AK7: variants seen among roughly 807,000 people sequenced by gnomAD.
The protein encoded by AK7 is ATP-AMP transphosphorylase 7.
Under a neutral mutation model 96.6 loss-of-function variants are expected in AK7, and 78 were observed. The ratio of observed to expected loss-of-function variants is 0.81; its 90% CI spans 0.67 to 0.97. AK7 has a LOEUF of 0.97. Ranked by LOEUF, AK7 falls within the 50% of genes least tolerant of loss-of-function variation. AK7 has a pLI of 0.00. For synonymous variants in AK7, 302 were observed against 317.2 expected (o/e 0.95, Z 0.51); for missense variants, 855 against 887.9 (o/e 0.96, Z 0.47).
intron 12 of AK7, among the ~76,000 whole-genome samples, chr14:96,467,330 G>GA (rs1338644236): frequency 7.9e-6 from 1 of 125,870 alleles, no homozygotes; most frequent in African/African-American, 2.8e-5. Flanking sequence ...TTTTGCTGCT[G>GA]CTTTTTTTTT....
intron 1 of AK7, among the ~76,000 whole-genome samples, chr14:96,394,179 TCAGAGGGCA>T (rs1369683779): frequency 5.9e-5 from 9 of 151,992 alleles, no homozygotes; most frequent in Non-Finnish European, 1.2e-4. Context: ...AAAATAGTTC[TCAGAGGGCA>T]CAGCAAAAGC....
intron 6 of AK7, among the ~76,000 whole-genome samples, chr14:96,439,903 C>T (rs966316062): frequency 6.6e-5 from 10 of 151,950 alleles, no homozygotes; most frequent in African/African-American, 1.5e-4. Context: ...AGAAAGAAGG[C>T]GGAGTTAAAG....
chr14:96,468,965 T>G (rs1377019136), intron 12 of AK7, among the ~76,000 whole-genome samples: 2 of 152,156 alleles, frequency 1.3e-5, no homozygotes, highest in South Asian at 2.1e-4. Flanking sequence ...TGAGATTATC[T>G]CTAAGAGATC....
chr14:96,469,609 A>G (rs1894773937), intron 12 of AK7, among the ~76,000 whole-genome samples: 1 of 152,174 alleles, frequency 6.6e-6, no homozygotes, highest in African/African-American at 2.4e-5. Flanking sequence ...ATTTGGCTTC[A>G]TTTCTTGGCA....
intron 10 of AK7, among the ~76,000 whole-genome samples, chr14:96,451,821 G>C (rs1386850995): frequency 6.6e-6 from 1 of 151,980 alleles, no homozygotes; most frequent in African/African-American, 2.4e-5. Flanking sequence ...TTAATAATTA[G>C]ATAATATCTA....
intron 5 of AK7, among the ~76,000 whole-genome samples, chr14:96,429,461 G>A (rs769185199): frequency 2.6e-4 from 40 of 152,114 alleles, no homozygotes; most frequent in Non-Finnish European, 5.1e-4. Context: ...TTTTGGTTCC[G>A]TATGAACTTT....
chr14:96,461,226 A>G lies in AK7; in HGVS notation c.1357+3014A>G, dbSNP rs115630196. On this transcript the variant is annotated intron_variant, in intron 12 of 17. Transcript: ENST00000267584. ...TGCTATATTCCCAGCACTTTGAGAG[A>G]TCAAGGTGGGAAGATTGCTTGAGGT... is the stretch of plus-strand genomic sequence containing the variant. Among the ~76,000 whole-genome samples the G allele has an allele frequency of 5.7e-3, 873 of 152,262 alleles. 19 individuals carry two copies. The highest frequency in any genetic ancestry group is 0.02 in the African/African-American group (815 of 41,554).
chr14:96,435,729 G>C (rs563503770), intron 5 of AK7, among the ~76,000 whole-genome samples: 3 of 152,162 alleles, frequency 2.0e-5, no homozygotes. Flanking sequence ...ATACCGGAGA[G>C]CCCCCTCTGA....
In AK7 at chr14:96,478,618, T is replaced by C. The variant is rs756925348; in HGVS notation, c.1709T>C (p.Val570Ala). 1.1e-5 allele frequency: 18 copies of C among 1,614,060 alleles called. No homozygotes were observed. Among genetic ancestry groups the C allele is most frequent in the Non-Finnish European group, 1.4e-5 (17 of 1,180,034 alleles). ...YRDINIDDET[V>A]FNYFDELEIH... is the part of the protein sequence containing the mutation. ...GACATCAATATCGACGATGAGACTG[T>C]CTTCAACTATTTTGATGAACTTGAA... Residue 570 changes from valine (V) to alanine (A), a missense_variant, in exon 15 of 18, where the codon GTC (valine) becomes GCC (alanine). Transcript: ENST00000267584.
In AK7 at chr14:96,458,070, C is replaced by T. The variant is rs753576680; in HGVS notation, c.1228-13C>T. 3.7e-6 allele frequency: 6 copies of T among 1,611,354 alleles called. No individual in the cohort carries two copies. In the African/African-American group the frequency reaches 8.0e-5, roughly 22 times the overall value. ...GGGGCATCATCCAATGTGAATATCCCTGTGGTATGCAGGAGGCGATTGTTG... is the reference window on the plus strand; with the variant it reads ...GGGGCATCATCCAATGTGAATATCCTTGTGGTATGCAGGAGGCGATTGTTG... On this transcript the variant is annotated splice_polypyrimidine_tract_variant and intron_variant, in intron 11 of 17. Coordinates refer to ENST00000267584, the MANE Select transcript of AK7 (RefSeq NM_152327.5).
At chr14:96,462,491 C>G (rs1239804181) in intron 12 of AK7, among the ~76,000 whole-genome samples, 1 of 152,152 alleles carries the variant, frequency 6.6e-6, no homozygotes, top group Non-Finnish European at 1.5e-5. Context: ...TTCCCAGTCC[C>G]ACAGTGAGGC....
intron 4 of AK7, among the ~76,000 whole-genome samples, chr14:96,412,208 T>G (rs1383470671): frequency 6.9e-6 from 1 of 144,600 alleles, no homozygotes; most frequent in Non-Finnish European, 1.5e-5. Context: ...TCCTGGTACT[T>G]TCTTCCTTTC....
At chr14:96,454,781 A>G (rs1181518470) in intron 10 of AK7, among the ~76,000 whole-genome samples, 3 of 151,648 alleles carry the variant, frequency 2.0e-5, no homozygotes, top group Non-Finnish European at 2.9e-5. Flanking sequence ...CCTGGGCTCC[A>G]GGGATCCTCC....
chr14:96,396,561 C>T (rs926274478), intron 1 of AK7, among the ~76,000 whole-genome samples: 1 of 152,156 alleles, frequency 6.6e-6, no homozygotes. Flanking sequence ...ATCTTGCATG[C>T]TAACCTGGAC....
rs140531734 is a variant in AK7 at position 96,474,146 on chromosome 14, A to T, written c.1555+1391A>T. Among the ~76,000 whole-genome samples the T allele has an allele frequency of 7.0e-4, 107 of 152,286 alleles. 1 individual carries two copies. Among genetic ancestry groups the T allele is most frequent in the African/African-American group, 2.2e-3 (92 of 41,558 alleles). Reference sequence around the variant, plus strand: ...GAAAAGCTATTTTCAGCAACTTAGGACAAGGCTGTAACTGAAAAGGGCCTG... The same window carrying T: ...GAAAAGCTATTTTCAGCAACTTAGGTCAAGGCTGTAACTGAAAAGGGCCTG... On this transcript the variant is annotated intron_variant, in intron 14 of 17. Coordinates refer to ENST00000267584, the MANE Select transcript of AK7 (RefSeq NM_152327.5).
intron 5 of AK7, among the ~76,000 whole-genome samples, chr14:96,430,310 C>T (rs960589592): frequency 1.3e-5 from 2 of 151,460 alleles, no homozygotes; most frequent in African/African-American, 2.4e-5. Flanking sequence ...CTCAGCCTCC[C>T]GAGTAGCTGG....
At chr14:96,465,267 C>G (rs924990629) in intron 12 of AK7, among the ~76,000 whole-genome samples, 5 of 152,042 alleles carry the variant, frequency 3.3e-5, no homozygotes, top group African/African-American at 1.2e-4. Context: ...CAAGACCATC[C>G]TAGCTAACAT....
chr14:96,451,697 A>C, intron 10 of AK7, 127 bp downstream of exon 10: 4 of 983,222 alleles, frequency 4.1e-6, no homozygotes, highest in Non-Finnish European at 5.4e-6. Context: ...AGTTTTTCAA[A>C]TTTGACAAAT....
chr14:96,485,191 A>C (rs1895704275), intron 16 of AK7, among the ~76,000 whole-genome samples: 1 of 152,084 alleles, frequency 6.6e-6, no homozygotes, highest in African/African-American at 2.4e-5. Flanking sequence ...AACTGTTCTC[A>C]TTGTTTTAAT....
Sources: gnomAD v4.1 joint callset for allele counts (sites outside exome capture counted in the v4.1 genomes callset) on GRCh38, gnomAD v4.1.1 for gene constraint, MANE v1.5 for transcripts, NCBI Gene and HGNC (gene_info 2026-07-23, HGNC 2026-07-21) for gene names.